The following MFSD6 variants were observed in gnomAD, a reference collection of about 807,000 sequenced individuals.
MFSD6 encodes the protein major facilitator superfamily domain-containing protein 6.
In MFSD6, 26 loss-of-function variants were observed where a neutral mutation model predicts 56.3. The ratio of observed to expected loss-of-function variants is 0.46; its 90% CI spans 0.34 to 0.64. The LOEUF (loss-of-function observed/expected upper bound fraction) is 0.64, where lower values mean the gene tolerates loss of function less well. Among genes scored for constraint, MFSD6 ranks in the 30% least tolerant of loss-of-function variants. The pLI, the probability that MFSD6 is intolerant of heterozygous loss-of-function variation, is 0.01. For missense variants in MFSD6, 750 were observed against 986.2 expected (o/e 0.76, Z 3.21); for synonymous variants, 331 against 366.9 (o/e 0.90, Z 1.12).
chr2:190,482,992 C>T (rs1022097514), intron 4 of MFSD6, among the ~76,000 whole-genome samples: 210 of 144,702 alleles, frequency 1.5e-3, no homozygotes, highest in African/African-American at 5.2e-3. Flanking sequence ...CCCGGGTTCA[C>T]GCCATTCTCC....
chr2:190,408,321 CCCTCG>C (rs532677765), upstream of MFSD6: 562 of 152,114 alleles, frequency 3.7e-3, 4 homozygotes, highest in African/African-American at 0.012. Context: ...CGGTCCGCAT[CCCTCG>C]CCTCGCCTCG....
chr2:190,461,790 G>A lies in MFSD6; in HGVS notation c.1533-7968G>A, dbSNP rs1008483980. On this transcript the variant is annotated intron_variant, in intron 3 of 7. Transcript: ENST00000392328. This position sits in a 1 kb window ranked among gnomAD's most constrained non-coding sequence, Gnocchi z 5.5. ...TAGTTTCAACATATGAATTTTGGAG[G>A]GTATACAGACATTTAAACTGTAGTA... Among the ~76,000 whole-genome samples, 2 of 151,766 alleles carry A rather than the reference G, an allele frequency of 1.3e-5. No homozygotes were observed. The highest frequency in any genetic ancestry group is 1.3e-4 in the Admixed American group (2 of 15,250).
Position 190,485,427 on chromosome 2 carries a change from T to C in MFSD6, c.1631-3230T>C, listed in dbSNP as rs1229392944. ...GTTTTCAGGTTTTCGGTAATTCATC[T>C]TTAAGAAATGATTTCCAAATCTGTG... On this transcript the variant is annotated intron_variant, in intron 4 of 7. Transcript: ENST00000392328. The surrounding 1 kb of genome is among the most constrained non-coding windows in gnomAD (Gnocchi z 5.1). Among the ~76,000 whole-genome samples, 8 of 152,222 alleles carry C rather than the reference T, an allele frequency of 5.3e-5. No individual in the cohort carries two copies. Among genetic ancestry groups the C allele is most frequent in the Non-Finnish European group, 1.2e-4 (8 of 68,020 alleles).
In MFSD6 at chr2:190,463,913, C is replaced by T. The variant is rs1191008750; in HGVS notation, c.1533-5845C>T. ...CATATACTGTCTACCATACAGAAAACGTAATCCAGTTTATATATGAGGCAG... is the reference window on the plus strand; with the variant it reads ...CATATACTGTCTACCATACAGAAAATGTAATCCAGTTTATATATGAGGCAG... On this transcript the variant is annotated intron_variant, in intron 3 of 7. Coordinates refer to ENST00000392328, the MANE Select transcript of MFSD6 (RefSeq NM_017694.4). This position sits in a 1 kb window ranked among gnomAD's most constrained non-coding sequence, Gnocchi z 4.4. 3.0e-6 allele frequency: 3 copies of T among 983,612 alleles called. No homozygotes were observed. The highest frequency in any genetic ancestry group is 1.1e-4 in the East Asian group (1 of 8,822). The allele number at this position is 983,612 out of a possible 1,614,324, so 60.9% of individuals were successfully genotyped here.
chr2:190,474,442 A>G (rs1220591427), intron 4 of MFSD6, among the ~76,000 whole-genome samples: 1 of 152,260 alleles, frequency 6.6e-6, no homozygotes, highest in Non-Finnish European at 1.5e-5. Flanking sequence ...AAACACCTCT[A>G]TGCAAATAAA....
chr2:190,474,971 G>A (rs534416478), intron 4 of MFSD6, among the ~76,000 whole-genome samples: 1 of 152,334 alleles, frequency 6.6e-6, no homozygotes, highest in East Asian at 1.9e-4. Context: ...AAAATCACAT[G>A]ATTATCTCAA....
upstream of MFSD6, among the ~76,000 whole-genome samples, chr2:190,408,074 C>CGGGGCGGGCTGGAGGCCG (rs1240699362): frequency 6.6e-6 from 1 of 151,950 alleles, no homozygotes; most frequent in Non-Finnish European, 1.5e-5. Flanking sequence ...TCCGGGCCGC[C>CGGGGCGGGCTGGAGGCCG]GGGGCGGGCT....
rs12475703 is a variant in MFSD6 at position 190,459,489 on chromosome 2, A to T, written c.1533-10269A>T. ...CAAAATTGTAGGGGGTGTGTGTGTG[A>T]ATATGTTCAGTCATTTGACTAAACA... On this transcript the variant is annotated intron_variant, in intron 3 of 7. Coordinates refer to ENST00000392328, the MANE Select transcript of MFSD6 (RefSeq NM_017694.4). The surrounding 1 kb of genome is among the most constrained non-coding windows in gnomAD (Gnocchi z 5.3). 0.88 allele frequency among the ~76,000 whole-genome samples: 133,866 copies of T among 152,178 alleles called. 59,694 individuals are homozygous for T. The highest frequency in any genetic ancestry group is 1 in the East Asian group (5,176 of 5,190).
In MFSD6 at chr2:190,491,777, C is replaced by T. The variant is rs1257592351; in HGVS notation, c.1891+1911C>T. Reference sequence around the variant, plus strand: ...TTTAACCTGCCCCAACAAAATCACACTAGCACCAGCAATAGATCCAAACCA... The same window carrying T: ...TTTAACCTGCCCCAACAAAATCACATTAGCACCAGCAATAGATCCAAACCA... On this transcript the variant is annotated intron_variant, in intron 6 of 7. Coordinates refer to ENST00000392328, the MANE Select transcript of MFSD6 (RefSeq NM_017694.4). The surrounding 1 kb of genome is among the most constrained non-coding windows in gnomAD (Gnocchi z 4.2). 6.6e-6 allele frequency among the ~76,000 whole-genome samples: 1 copy of T among 152,174 alleles called. No homozygotes were observed. Among genetic ancestry groups the T allele is most frequent in the East Asian group, 1.9e-4 (1 of 5,194 alleles).
In MFSD6 at chr2:190,465,472, T is replaced by C. The variant is rs1687554844; in HGVS notation, c.1533-4286T>C. On this transcript the variant is annotated intron_variant, in intron 3 of 7. Transcript: ENST00000392328. This position sits in a 1 kb window ranked among gnomAD's most constrained non-coding sequence, Gnocchi z 4.6. ...TTTCCAGACATCAGTGCCCATAAGA[T>C]TACTGATTATACATCAGTAATCTTA... Among the ~76,000 whole-genome samples, 1 of 152,104 alleles carries C rather than the reference T, an allele frequency of 6.6e-6. No homozygotes were observed. Among genetic ancestry groups the C allele is most frequent in the Non-Finnish European group, 1.5e-5 (1 of 68,020 alleles).
chr2:190,480,693 A>G (rs1361530273), intron 4 of MFSD6, among the ~76,000 whole-genome samples: 1 of 152,186 alleles, frequency 6.6e-6, no homozygotes, highest in Non-Finnish European at 1.5e-5. Context: ...TAACTCCCCT[A>G]CCTATAAGCT....
At position 190,467,051 on chromosome 2, in the gene MFSD6, T is replaced by A. The variant is rs995924041; in HGVS notation, c.1533-2707T>A. Among the ~76,000 whole-genome samples the A allele has an allele frequency of 7.9e-5, 12 of 152,196 alleles. No individual in the cohort carries two copies. The highest frequency in any genetic ancestry group is 7.9e-4 in the Admixed American group (12 of 15,276). Reference sequence around the variant, plus strand: ...TGTCATGGCAACCCTGATTCAGAGGTGGGCTCAAAAGACAGCTTCAGGATA... The same window carrying A: ...TGTCATGGCAACCCTGATTCAGAGGAGGGCTCAAAAGACAGCTTCAGGATA... On this transcript the variant is annotated intron_variant, in intron 3 of 7. Coordinates refer to ENST00000392328, the MANE Select transcript of MFSD6 (RefSeq NM_017694.4). The surrounding 1 kb of genome is among the most constrained non-coding windows in gnomAD (Gnocchi z 5.5).
intron 3 of MFSD6, among the ~76,000 whole-genome samples, chr2:190,450,997 G>C (rs1265076881): frequency 6.6e-6 from 1 of 152,220 alleles, no homozygotes; most frequent in Non-Finnish European, 1.5e-5. Flanking sequence ...CATTGGCCAA[G>C]CATTTCATTC....
At position 190,459,848 on chromosome 2, in the gene MFSD6, AGAAG is replaced by A. The variant is rs1156742548; in HGVS notation, c.1533-9905_1533-9902del. Among the ~76,000 whole-genome samples, 13 of 152,266 alleles carry A rather than the reference AGAAG, an allele frequency of 8.5e-5. No homozygotes were observed. Among genetic ancestry groups the A allele is most frequent in the Admixed American group, 6.5e-5 (1 of 15,290 alleles). On this transcript the variant is annotated intron_variant, in intron 3 of 7. Coordinates refer to ENST00000392328, the MANE Select transcript of MFSD6 (RefSeq NM_017694.4). The surrounding 1 kb of genome is among the most constrained non-coding windows in gnomAD (Gnocchi z 5.3). ...CTTTTCTCTTTCTAGCAGAAACAAT[AGAAG>A]GAAGTATTAGTAGCTGCAGAAAATA...
Position 190,500,078 on chromosome 2 carries a change from C to A in MFSD6, c.2236C>A (p.His746Asn), listed in dbSNP as rs774286665. ...AGCCCAGCCTGTCCCATGTGAGACT[C>A]ACTCTGACCCATCTAGAAACCAGCC... Reference protein sequence around the residue: ...GRAQPVPCETHSDPSRNQPSP... With the variant: ...GRAQPVPCETNSDPSRNQPSP... Residue 746 changes from histidine (H) to asparagine (N), a missense_variant, in exon 8 of 8, where the codon CAC becomes AAC. Physicochemically the swap from His to Asn is moderately conservative, Grantham distance 68. Around this residue, in one of 5 missense-constraint regions of MFSD6, gnomAD observed 172 missense variants for 203.9 expected, o/e 0.84. Transcript: ENST00000392328. The surrounding 1 kb of genome is among the most constrained non-coding windows in gnomAD (Gnocchi z 5.3). 1 of 1,614,206 alleles carries A rather than the reference C, an allele frequency of 6.2e-7. No individual in the cohort carries two copies. Among genetic ancestry groups the A allele is most frequent in the Admixed American group, 1.7e-5 (1 of 60,034 alleles).
rs145145666 is a variant in MFSD6 at position 190,501,587 on chromosome 2, A to G, written c.*1369A>G. The G allele has an allele frequency of 2.9e-4, 44 of 150,824 alleles. No homozygotes were observed. The highest frequency in any genetic ancestry group is 9.9e-4 in the African/African-American group (41 of 41,456). 9.3% of individuals were successfully genotyped at this position (150,824 alleles called of 1,614,324 possible). On this transcript the variant is annotated 3_prime_UTR_variant, in exon 8 of 8. Transcript: ENST00000392328. Reference sequence around the variant, plus strand: ...CAGGAGAGAGAGGAAAGAAAAGAACAGTCGAAATGAGCAACTCACCTTACC... The same window carrying G: ...CAGGAGAGAGAGGAAAGAAAAGAACGGTCGAAATGAGCAACTCACCTTACC...
Position 190,434,998 on chromosome 2 carries a change from T to C in MFSD6, c.-53-979T>C, listed in dbSNP as rs1686129182. On this transcript the variant is annotated intron_variant, in intron 2 of 7. Transcript: ENST00000392328. This position sits in a 1 kb window ranked among gnomAD's most constrained non-coding sequence, Gnocchi z 4.3. ...CTGTGCATGCGAGGGATGTAGGTTG[T>C]GTGCTCCTTATGAGAACCTAAGAAT... Among the ~76,000 whole-genome samples, 1 of 152,192 alleles carries C rather than the reference T, an allele frequency of 6.6e-6. No individual in the cohort carries two copies. Among genetic ancestry groups the C allele is most frequent in the Non-Finnish European group, 1.5e-5 (1 of 68,034 alleles).
At position 190,499,870 on chromosome 2, in the gene MFSD6, T is replaced by C; in HGVS notation, c.2173-145T>C. The C allele has an allele frequency of 6.4e-7, 1 of 1,552,276 alleles. No homozygotes were observed. The highest frequency in any genetic ancestry group is 1.4e-5 in the African/African-American group (1 of 73,298). On this transcript the variant is annotated intron_variant, in intron 7 of 7. Coordinates refer to ENST00000392328, the MANE Select transcript of MFSD6 (RefSeq NM_017694.4). The surrounding 1 kb of genome is among the most constrained non-coding windows in gnomAD (Gnocchi z 6.0). ...AGGAGATGAAAGGTAAGACATTCTA[T>C]CCTTATTCCTCTATTACTTGGTCCC...
Position 190,447,080 on chromosome 2 carries a change from T to C in MFSD6, c.1532+9519T>C, listed in dbSNP as rs888792356. ...AAATATGCAGTCTCTCTCTGATTCATAGGCTCAGTAAAAAAAAAAACTTGA... is the reference window on the plus strand; with the variant it reads ...AAATATGCAGTCTCTCTCTGATTCACAGGCTCAGTAAAAAAAAAAACTTGA... On this transcript the variant is annotated intron_variant, in intron 3 of 7. Coordinates refer to ENST00000392328, the MANE Select transcript of MFSD6 (RefSeq NM_017694.4). The surrounding 1 kb of genome is among the most constrained non-coding windows in gnomAD (Gnocchi z 4.5). 6.9e-6 allele frequency among the ~76,000 whole-genome samples: 1 copy of C among 144,636 alleles called. No individual in the cohort carries two copies. Among genetic ancestry groups the C allele is most frequent in the Non-Finnish European group, 1.6e-5 (1 of 63,332 alleles). The allele number at this position is 144,636 out of a possible 152,430, so 94.9% of individuals were successfully genotyped here. A position where few individuals can be genotyped will look rare whatever the true frequency, so the allele number is the denominator to read the frequency against.
Sources: gnomAD v4.1 joint callset for allele counts (sites outside exome capture counted in the v4.1 genomes callset) on GRCh38, gnomAD v4.1.1 for gene constraint, gnomAD v4.1.1 regional missense constraint, Gnocchi (gnomAD v3.1) non-coding constraint, MANE v1.5 for transcripts, NCBI Gene and HGNC (gene_info 2026-07-23, HGNC 2026-07-21) for gene names.